Variants in ST3GAL3 observed in about 807,000 individuals in gnomAD.
The protein encoded by ST3GAL3 is CMP-N-acetylneuraminate-beta-1,4-galactoside alpha-2,3-sialyltransferase.
Under a neutral mutation model 50.1 loss-of-function variants are expected in ST3GAL3, and 21 were observed. The ratio of observed to expected loss-of-function variants is 0.42; its 90% CI spans 0.30 to 0.60. The LOEUF (loss-of-function observed/expected upper bound fraction) is 0.60. Among genes scored for constraint, ST3GAL3 ranks in the 20% least tolerant of loss-of-function variants. ST3GAL3 has a pLI of 0.19. For synonymous variants in ST3GAL3, 183 were observed against 190.0 expected, an observed-to-expected ratio of 0.96 and a Z score of 0.30; for missense variants, 353 against 489.4, an observed-to-expected ratio of 0.72 and a Z score of 2.63.
In ST3GAL3 at chr1:43,920,134, C is replaced by T. The variant is rs1375234139; in HGVS notation, c.745-270C>T. 15 of 500,266 alleles carry T rather than the reference C, an allele frequency of 3.0e-5. No individual in the cohort carries two copies. In the East Asian group the frequency reaches 5.3e-4, roughly 18 times the overall value. 31.0% of individuals were successfully genotyped at this position (500,266 alleles called of 1,614,324 possible). A position where few individuals can be genotyped will look rare whatever the true frequency, so the allele number is the denominator to read the frequency against. Reference sequence around the variant, plus strand: ...ACAGCAGCACACCCACAGCATCCCACATCCTGTGCCTGCCCGACGACTCCC... The same window carrying T: ...ACAGCAGCACACCCACAGCATCCCATATCCTGTGCCTGCCCGACGACTCCC... On this transcript the variant is annotated intron_variant, in intron 9 of 11. Coordinates refer to ENST00000347631, the MANE Select transcript of ST3GAL3 (RefSeq NM_006279.5).
chr1:43,816,249 AG>A (rs1322537163), intron 4 of ST3GAL3, among the ~76,000 whole-genome samples: 1 of 152,192 alleles, frequency 6.6e-6, no homozygotes, highest in African/African-American at 2.4e-5. Context: ...ACATCAAACC[AG>A]GGGCTGGTTG....
intron 1 of ST3GAL3, among the ~76,000 whole-genome samples, chr1:43,721,896 G>T (rs773998436): frequency 6.6e-6 from 1 of 152,054 alleles, no homozygotes; most frequent in Non-Finnish European, 1.5e-5. Context: ...CCACATACCC[G>T]GCCCCCTCAT....
intron 4 of ST3GAL3, among the ~76,000 whole-genome samples, chr1:43,819,853 A>T (rs1027795350): frequency 6.6e-6 from 1 of 152,182 alleles, no homozygotes; most frequent in Non-Finnish European, 1.5e-5. Flanking sequence ...TCCCATTTAT[A>T]AGTGAGAACA....
chr1:43,898,993 C>G, intron 7 of ST3GAL3, 175 bp from the exon 8 acceptor site: 1 of 765,552 alleles, frequency 1.3e-6, no homozygotes, highest in South Asian at 1.8e-5. Flanking sequence ...CAGGGCCCAG[C>G]TACCCATTGT....
chr1:43,830,451 A>G (rs1405871507), intron 4 of ST3GAL3, among the ~76,000 whole-genome samples: 2 of 152,150 alleles, frequency 1.3e-5, no homozygotes, highest in African/African-American at 2.4e-5. Flanking sequence ...AAGTACATGT[A>G]TTGCTCCAGG....
chr1:43,872,459 G>A (rs1215605640), intron 5 of ST3GAL3, among the ~76,000 whole-genome samples: 1 of 151,832 alleles, frequency 6.6e-6, no homozygotes, highest in African/African-American at 2.4e-5. Context: ...CCCTGAGGGA[G>A]AGGGAGGGCA....
intron 4 of ST3GAL3, among the ~76,000 whole-genome samples, chr1:43,816,679 C>T (rs867648528): frequency 3.9e-5 from 6 of 152,180 alleles, no homozygotes; most frequent in Admixed American, 3.9e-4. Context: ...GGAGGACGCT[C>T]ATCTCCTGCT....
chr1:43,825,736 A>C (rs1380534839), intron 4 of ST3GAL3, among the ~76,000 whole-genome samples: 2 of 152,152 alleles, frequency 1.3e-5, no homozygotes, highest in Admixed American at 1.3e-4. Flanking sequence ...CCCTTAGGAA[A>C]ATGTTTTTGG....
At chr1:43,879,218 G>C in intron 5 of ST3GAL3, 2 of 452,570 alleles carry the variant, frequency 4.4e-6, no homozygotes, top group Non-Finnish European at 8.9e-6. Context: ...TTGTATTTAA[G>C]GACTGGACAG....
chr1:43,855,740 A>G (rs762609860), intron 5 of ST3GAL3, among the ~76,000 whole-genome samples: 1 of 152,070 alleles, frequency 6.6e-6, no homozygotes, highest in Non-Finnish European at 1.5e-5. Flanking sequence ...GGAAAAAATA[A>G]TTTTTAAAAT....
intron 2 of ST3GAL3, among the ~76,000 whole-genome samples, chr1:43,739,667 ATAATATACTGAGTTC>A (rs1460175676): frequency 3.9e-5 from 6 of 152,310 alleles, no homozygotes; most frequent in Admixed American, 1.3e-4. Flanking sequence ...AACAATTATT[ATAATATACTGAGTTC>A]TAAAAGAGCA....
chr1:43,803,713 T>C (rs1350782186), intron 3 of ST3GAL3, among the ~76,000 whole-genome samples: 5 of 152,254 alleles, frequency 3.3e-5, no homozygotes, highest in African/African-American at 1.2e-4. Context: ...TGCTATGACA[T>C]CTAGACTGAC....
At chr1:43,787,161 CT>C (rs1190990853) in intron 2 of ST3GAL3, among the ~76,000 whole-genome samples, 2 of 152,212 alleles carry the variant, frequency 1.3e-5, no homozygotes, top group Non-Finnish European at 2.9e-5. Flanking sequence ...TGCAGCAAGG[CT>C]GTGCTGTACT....
intron 3 of ST3GAL3, among the ~76,000 whole-genome samples, chr1:43,810,279 CT>C (rs1378898073): frequency 6.6e-6 from 1 of 152,162 alleles, no homozygotes; most frequent in Non-Finnish European, 1.5e-5. Context: ...AAGCACCCCC[CT>C]CTCATTCCCA....
chr1:43,864,532 A>G (rs1298166327), intron 5 of ST3GAL3, among the ~76,000 whole-genome samples: 1 of 152,186 alleles, frequency 6.6e-6, no homozygotes, highest in Non-Finnish European at 1.5e-5. Flanking sequence ...CTGTTGGAGT[A>G]CAAGTCCTTG....
intron 2 of ST3GAL3, chr1:43,743,498 T>G: frequency 2.4e-6 from 1 of 422,644 alleles, no homozygotes; most frequent in Non-Finnish European, 4.8e-6. Flanking sequence ...TTGAAGGTGG[T>G]GGGGCAGATT....
chr1:43,724,877 C>T (rs927165817), intron 1 of ST3GAL3, among the ~76,000 whole-genome samples: 3 of 152,162 alleles, frequency 2.0e-5, no homozygotes, highest in Admixed American at 6.5e-5. Flanking sequence ...GTGGCACTTA[C>T]GAGGTCAGTG....
At chr1:43,815,132 A>G in intron 4 of ST3GAL3, 199 bp downstream of exon 4, 1 of 640,632 alleles carries the variant, frequency 1.6e-6, no homozygotes, top group Non-Finnish European at 2.8e-6. Flanking sequence ...GGGTGCAAAC[A>G]TAAGGCCTTC....
At chr1:43,834,023 C>T (rs246774) in intron 4 of ST3GAL3, among the ~76,000 whole-genome samples, 137,442 of 151,952 alleles carry the variant, frequency 0.9, 62,363 homozygotes, top group African/African-American at 0.96. Context: ...TAGCCGGGCG[C>T]GGTGGCAGGC....
Sources: allele counts gnomAD v4.1 joint callset (sites outside exome capture counted in the v4.1 genomes callset), GRCh38; gene constraint gnomAD v4.1.1; transcripts MANE v1.5; gene names NCBI Gene and HGNC (gene_info 2026-07-23, HGNC 2026-07-21).